The following MCM2 variants were observed in gnomAD, a reference collection of about 807,000 sequenced individuals.
The protein encoded by MCM2 is DNA replication licensing factor MCM2.
In MCM2, 49 loss-of-function variants were observed where a neutral mutation model predicts 86.4. That is an observed-to-expected ratio of 0.57 (90% confidence interval 0.45 to 0.72). The LOEUF is 0.72. Among genes scored for constraint, MCM2 ranks in the 30% least tolerant of loss-of-function variants. The pLI is 0.00. For missense variants in MCM2, 1,038 were observed against 1,259.9 expected, an observed-to-expected ratio of 0.82 and a Z score of 2.67; for synonymous variants, 475 against 484.6, an observed-to-expected ratio of 0.98 and a Z score of 0.26.
Position 127,618,135 on chromosome 3 carries a change from G to A in MCM2, c.2013+54G>A. On this transcript the variant is annotated intron_variant, in intron 12 of 15. Coordinates refer to ENST00000265056, the MANE Select transcript of MCM2 (RefSeq NM_004526.4). This position sits in a 1 kb window ranked among gnomAD's most constrained non-coding sequence, Gnocchi z 4.0. ...GAACTGTGGTTTGGGGACCTCAGGT[G>A]AGGCTTGGGGTCATACAGTGTGCCC... 1.4e-6 allele frequency: 2 copies of A among 1,421,584 alleles called. No individual in the cohort carries two copies. Among genetic ancestry groups the A allele is most frequent in the Non-Finnish European group, 2.0e-6 (2 of 1,011,924 alleles). 88.1% of individuals were successfully genotyped at this position (1,421,584 alleles called of 1,614,324 possible).
intron 9 of MCM2, 146 bp from the exon 10 acceptor site, chr3:127,616,722 G>A: frequency 6.9e-6 from 6 of 864,314 alleles, no homozygotes; most frequent in Non-Finnish European, 1.1e-5. Flanking sequence ...GGGACTGCAT[G>A]GCGTAGGGCA....
Position 127,617,458 on chromosome 3 carries a change from G to A in MCM2, c.1900+53G>A, listed in dbSNP as rs976260900. The stretch of plus-strand genomic sequence containing the variant: ...CTGGGGTGGGACACAGGGAGGTCCC[G>A]CCTGCTTGAATTGGGAGCCCACGGG... On this transcript the variant is annotated intron_variant, in intron 11 of 15. Coordinates refer to ENST00000265056, the MANE Select transcript of MCM2 (RefSeq NM_004526.4). This position sits in a 1 kb window ranked among gnomAD's most constrained non-coding sequence, Gnocchi z 4.1. 3.4e-5 allele frequency: 53 copies of A among 1,566,056 alleles called. No individual in the cohort carries two copies. The highest frequency in any genetic ancestry group is 2.1e-4 in the Middle Eastern group (1 of 4,878).
chr3:127,602,695 A>G (rs912349096), intron 2 of MCM2, among the ~76,000 whole-genome samples: 1 of 152,332 alleles, frequency 6.6e-6, no homozygotes, highest in South Asian at 2.1e-4. Flanking sequence ...AAGGAAGATA[A>G]TGTGGAAAAT....
At chr3:127,610,828 C>T in intron 8 of MCM2, 1 of 456,708 alleles carries the variant, frequency 2.2e-6, no homozygotes. Flanking sequence ...GGTGCCATTC[C>T]TTCCCAGCTC....
At chr3:127,620,220 G>A (rs1475155063) in intron 13 of MCM2, among the ~76,000 whole-genome samples, 1 of 152,196 alleles carries the variant, frequency 6.6e-6, no homozygotes, top group African/African-American at 2.4e-5. Context: ...TGGGAATGCC[G>A]AGTCCTTGTA....
chr3:127,600,876 CAAAAA>C (rs1223033763), intron 2 of MCM2, among the ~76,000 whole-genome samples: 1 of 84,590 alleles, frequency 1.2e-5, no homozygotes, highest in Non-Finnish European at 2.6e-5. Context: ...TGTGGTTTTT[CAAAAA>C]AAAAAAAAAA....
chr3:127,600,045 C>T (rs1354383989), intron 2 of MCM2, among the ~76,000 whole-genome samples: 3 of 152,156 alleles, frequency 2.0e-5, no homozygotes, highest in East Asian at 1.9e-4. Context: ...TTTGGGAGGC[C>T]GAGGTGGGCG....
chr3:127,620,049 A>G (rs1236383985), intron 13 of MCM2, among the ~76,000 whole-genome samples: 1 of 152,148 alleles, frequency 6.6e-6, no homozygotes, highest in Non-Finnish European at 1.5e-5. Context: ...TTTTAGATGA[A>G]ATTTAAATGT....
At chr3:127,614,735 G>A (rs1022663837) in intron 8 of MCM2, among the ~76,000 whole-genome samples, 2 of 152,114 alleles carry the variant, frequency 1.3e-5, no homozygotes, top group Non-Finnish European at 2.9e-5. Flanking sequence ...AGGCCCGCCG[G>A]GTGTTGAGGT....
intron 2 of MCM2, among the ~76,000 whole-genome samples, chr3:127,601,238 G>A (rs1477692084): frequency 2.0e-5 from 3 of 152,210 alleles, no homozygotes; most frequent in Non-Finnish European, 4.4e-5. Context: ...TTTTGTGGCT[G>A]AATCATATTT....
At chr3:127,615,759 T>A (rs1459430045) in intron 8 of MCM2, 103 bp from the exon 9 acceptor site, 1 of 799,964 alleles carries the variant, frequency 1.3e-6, no homozygotes, top group Non-Finnish European at 2.2e-6. Flanking sequence ...GAAGTGGGTG[T>A]CTTTGAGCTG....
chr3:127,604,975 C>G lies in MCM2; in HGVS notation c.492C>G (p.Asp164Glu), dbSNP rs562643137. The G allele has an allele frequency of 1.2e-6, 2 of 1,613,700 alleles. No individual in the cohort carries two copies. Among genetic ancestry groups the G allele is most frequent in the Non-Finnish European group, 1.7e-6 (2 of 1,179,842 alleles). Residue 164 changes from aspartate to glutamate, a missense_variant, in exon 4 of 16, where the codon GAC becomes GAG. Asp to Glu is a conservative substitution (Grantham distance 45, BLOSUM62 2). Around this residue, in one of 4 missense-constraint regions of MCM2, gnomAD observed 300 missense variants for 307.4 expected, o/e 0.98. Transcript: ENST00000265056. ...VERATEDGEE[D>E]EEMIESIENL... ...GGGCCACGGAGGACGGCGAGGAGGA[C>G]GAGGAGATGATCGAGAGCATCGAGA...
In MCM2 at chr3:127,608,986, T is replaced by G. The variant is rs2074372691; in HGVS notation, c.1391T>G (p.Ile464Ser). 1 of 1,614,030 alleles carries G rather than the reference T, an allele frequency of 6.2e-7. No individual in the cohort carries two copies. Among genetic ancestry groups the G allele is most frequent in the Non-Finnish European group, 8.5e-7 (1 of 1,180,038 alleles). Residue 464 changes from isoleucine (I) to serine (S), a missense_variant, in exon 8 of 16, where the codon ATC (isoleucine) becomes AGC (serine). Coordinates refer to ENST00000265056, the MANE Select transcript of MCM2 (RefSeq NM_004526.4). ...CTGACCGATGAAGATGTGAAGATGA[T>G]CACTAGCCTCTCCAAGGATCAGCAG... is the stretch of plus-strand genomic sequence containing the variant. ...GELTDEDVKMITSLSKDQQIG... is the reference protein window; with the variant it reads ...GELTDEDVKMSTSLSKDQQIG...
intron 8 of MCM2, among the ~76,000 whole-genome samples, chr3:127,610,270 T>G (rs1411829519): frequency 6.6e-6 from 1 of 152,200 alleles, no homozygotes; most frequent in Non-Finnish European, 1.5e-5. Context: ...ACTGGGTGAT[T>G]TCCTTCTGAC....
chr3:127,611,979 G>A (rs2074402056), intron 8 of MCM2, among the ~76,000 whole-genome samples: 2 of 144,500 alleles, frequency 1.4e-5, no homozygotes, highest in African/African-American at 2.9e-5. Flanking sequence ...GATTACAGGC[G>A]TGAGCCACCG....
At chr3:127,610,052 C>T (rs2074382794) in intron 8 of MCM2, among the ~76,000 whole-genome samples, 2 of 152,018 alleles carry the variant, frequency 1.3e-5, no homozygotes, top group Admixed American at 6.6e-5. Context: ...CCATGTTGGC[C>T]AGGCTGGTCT....
Position 127,621,825 on chromosome 3 carries a change from G to C in MCM2, c.*52G>C, listed in dbSNP as rs1385976886. ...TTGGGATTCTGGTTTGGGGTGGTCA[G>C]TGCCCTCTGTGCTTTATGGACACAA... is the stretch of plus-strand genomic sequence containing the variant. On this transcript the variant is annotated 3_prime_UTR_variant, in exon 16 of 16. Transcript: ENST00000265056. The C allele has an allele frequency of 7.3e-7, 1 of 1,369,240 alleles. No individual in the cohort carries two copies. Among genetic ancestry groups the C allele is most frequent in the Non-Finnish European group, 1.0e-6 (1 of 967,172 alleles). 84.8% of individuals were successfully genotyped at this position (1,369,240 alleles called of 1,614,324 possible).
chr3:127,608,727 G>T, intron 7 of MCM2, 105 bp from the exon 8 acceptor site: 1 of 1,261,374 alleles, frequency 7.9e-7, no homozygotes, highest in South Asian at 1.3e-5. Flanking sequence ...TTATCTTGGT[G>T]TCTGTAGTGT....
In MCM2 at chr3:127,598,482, C is replaced by G. The variant is rs770098312; in HGVS notation, c.6+10C>G. 1 of 1,612,618 alleles carries G rather than the reference C, an allele frequency of 6.2e-7. No individual in the cohort carries two copies. The highest frequency in any genetic ancestry group is 1.1e-5 in the South Asian group (1 of 91,014). On this transcript the variant is annotated intron_variant, in intron 1 of 15. Coordinates refer to ENST00000265056, the MANE Select transcript of MCM2 (RefSeq NM_004526.4). ...TGGTACTGCTATGGCGGTGAGCGCG[C>G]TGGCGCGTGGCGGGCGGGCGCCGGG... is the stretch of plus-strand genomic sequence containing the variant.
Sources: gnomAD v4.1 joint callset for allele counts (sites outside exome capture counted in the v4.1 genomes callset) on GRCh38, gnomAD v4.1.1 for gene constraint, gnomAD v4.1.1 regional missense constraint, Gnocchi (gnomAD v3.1) non-coding constraint, MANE v1.5 for transcripts, NCBI Gene and HGNC (gene_info 2026-07-23, HGNC 2026-07-21) for gene names.